Variants in ALK observed in about 807,000 individuals in gnomAD.
ALK encodes ALK tyrosine kinase receptor.
ALK carries 74 observed loss-of-function variants against 163.1 expected under a neutral mutation model. The observed-to-expected ratio is 0.45, with a 90% CI of 0.38 to 0.55. The LOEUF is 0.55. Among genes scored for constraint, ALK ranks in the 20% least tolerant of loss-of-function variants. ALK has a pLI of 0.00. For synonymous variants in ALK, 960 were observed against 843.2 expected, an observed-to-expected ratio of 1.14 and a Z score of -2.40; for missense variants, 2,063 against 2,105.3, an observed-to-expected ratio of 0.98 and a Z score of 0.39.
At chr2:29,512,492 G>A (rs924964372) in intron 4 of ALK, among the ~76,000 whole-genome samples, 16 of 149,144 alleles carry the variant, frequency 1.1e-4, no homozygotes, top group South Asian at 4.3e-4. Context: ...TTGATGGGAC[G>A]TATCTCAAAA....
In ALK at chr2:29,222,374, A is replaced by G. The variant is rs761792619; in HGVS notation, c.3485T>C (p.Leu1162Pro). 2 of 1,613,658 alleles carry G rather than the reference A, an allele frequency of 1.2e-6. No homozygotes were observed. The highest frequency in any genetic ancestry group is 1.7e-6 in the Non-Finnish European group (2 of 1,179,770). ...GATCAGGGCTTCCATGAGGAAATCC[A>G]GTTCGTCCTGTTCAGAGCACACTTC... ...LPEVCSEQDE[L>P]DFLMEALIIS... The change falls in exon 22 of 29, where the codon CTG becomes CCG. Residue 1162 changes from leucine to proline, a missense_variant. Physicochemically the swap from Leu to Pro is moderately conservative, Grantham distance 98. Transcript: ENST00000389048.
chr2:29,401,415 C>A (rs536099255), intron 4 of ALK, among the ~76,000 whole-genome samples: 4 of 152,206 alleles, frequency 2.6e-5, no homozygotes, highest in Admixed American at 6.5e-5. Flanking sequence ...CAGCCAACCC[C>A]CTGTATCATA....
intron 20 of ALK, 94 bp downstream of exon 20, chr2:29,223,248 G>A (rs771336998): frequency 1.3e-4 from 180 of 1,420,522 alleles, no homozygotes; most frequent in Middle Eastern, 3.7e-4. Context: ...GGGCTCTGCC[G>A]GCCTTTTGTG....
chr2:29,437,216 T>C (rs1380734812), intron 4 of ALK, among the ~76,000 whole-genome samples: 2 of 152,128 alleles, frequency 1.3e-5, no homozygotes, highest in African/African-American at 4.8e-5. Flanking sequence ...TCCTTCCTCA[T>C]TTTTCTCCCT....
At chr2:29,324,973 G>C (rs1667207582) in intron 6 of ALK, among the ~76,000 whole-genome samples, 1 of 152,174 alleles carries the variant, frequency 6.6e-6, no homozygotes, top group Non-Finnish European at 1.5e-5. Flanking sequence ...GAATTTTTAA[G>C]GGCTCCAAAG....
Position 29,371,153 on chromosome 2 carries a change from G to T in ALK, c.1282+12579C>A, listed in dbSNP as rs144938164. On this transcript the variant is annotated intron_variant, in intron 5 of 28. Coordinates refer to ENST00000389048, the MANE Select transcript of ALK (RefSeq NM_004304.5). ...TGTGCATTGAGGGGCCTTCTGGGCC[G>T]CTGCCCAGCAACTGTCTGCCAATGT... Among the ~76,000 whole-genome samples, 24 of 152,294 alleles carry T rather than the reference G, an allele frequency of 1.6e-4. 1 individual carries two copies. The South Asian group carries it at 4.8e-3, about 30-fold the overall frequency.
intron 1 of ALK, among the ~76,000 whole-genome samples, chr2:29,731,998 C>T (rs1479328430): frequency 1.3e-5 from 2 of 152,186 alleles, no homozygotes; most frequent in African/African-American, 4.8e-5. Flanking sequence ...TGCCCTGGGC[C>T]TCGCACACTG....
intron 13 of ALK, among the ~76,000 whole-genome samples, chr2:29,233,984 G>A (rs969898249): frequency 1.5e-4 from 23 of 151,708 alleles, no homozygotes; most frequent in African/African-American, 5.3e-4. Context: ...GAGCCTTGAA[G>A]GATAGGGAGT....
intron 11 of ALK, among the ~76,000 whole-genome samples, chr2:29,259,586 T>A (rs953073418): frequency 3.9e-5 from 6 of 152,186 alleles, no homozygotes; most frequent in Non-Finnish European, 5.9e-5. Context: ...TCTTGTTATA[T>A]AAAGTGTTGC....
intron 5 of ALK, among the ~76,000 whole-genome samples, chr2:29,378,121 A>G (rs552198529): frequency 1.4e-4 from 21 of 152,086 alleles, no homozygotes; most frequent in African/African-American, 4.3e-4. Context: ...TTCATGGGGG[A>G]GCTCCTTTGC....
intron 4 of ALK, among the ~76,000 whole-genome samples, chr2:29,464,506 C>T (rs895752338): frequency 6.6e-6 from 1 of 152,022 alleles, no homozygotes; most frequent in African/African-American, 2.4e-5. Flanking sequence ...AGAACAGAAG[C>T]CTGTGTGTGC....
intron 5 of ALK, among the ~76,000 whole-genome samples, chr2:29,374,116 C>A (rs144257171): frequency 6.6e-6 from 1 of 152,118 alleles, no homozygotes; most frequent in Non-Finnish European, 1.5e-5. Flanking sequence ...GATAGTTGTG[C>A]AGAATTATTC....
chr2:29,612,543 C>A (rs149689045), intron 3 of ALK, among the ~76,000 whole-genome samples: 196 of 152,298 alleles, frequency 1.3e-3, no homozygotes, highest in African/African-American at 4.6e-3. Context: ...AACCGTCCTA[C>A]CCAGAAGAGA....
At chr2:29,823,201 G>A (rs6724371) in intron 1 of ALK, among the ~76,000 whole-genome samples, 236 of 152,238 alleles carry the variant, frequency 1.6e-3, no homozygotes, top group African/African-American at 5.6e-3. Flanking sequence ...GCTCCTGCTT[G>A]CCTTCTGCCA....
Position 29,193,145 on chromosome 2 carries a change from G to T in ALK, c.*79C>A. On this transcript the variant is annotated 3_prime_UTR_variant, in exon 29 of 29. Transcript: ENST00000389048. ...AACAAAACGTGACATTTGGTCTCTG[G>T]TTTGTGAAGGAGCCATTGCCTCTCT... 1 of 1,451,908 alleles carries T rather than the reference G, an allele frequency of 6.9e-7. No individual in the cohort carries two copies. The highest frequency in any genetic ancestry group is 9.5e-7 in the Non-Finnish European group (1 of 1,049,312). The allele number at this position is 1,451,908 out of a possible 1,614,324, so 89.9% of individuals were successfully genotyped here. A position where few individuals can be genotyped will look rare whatever the true frequency, so the allele number is the denominator to read the frequency against.
At chr2:29,376,342 T>C (rs1019918090) in intron 5 of ALK, among the ~76,000 whole-genome samples, 10 of 152,244 alleles carry the variant, frequency 6.6e-5, no homozygotes, top group Admixed American at 6.5e-4. Context: ...TCGTAAGATT[T>C]GCACTTACTT....
intron 12 of ALK, among the ~76,000 whole-genome samples, chr2:29,243,406 C>A (rs572613855): frequency 5.3e-4 from 80 of 152,350 alleles, no homozygotes; most frequent in Middle Eastern, 6.8e-3. Context: ...CCTTGGAAGG[C>A]TGTTATGATA....
At chr2:29,627,512 C>A (rs1054148315) in intron 3 of ALK, among the ~76,000 whole-genome samples, 1 of 151,648 alleles carries the variant, frequency 6.6e-6, no homozygotes, top group Admixed American at 6.6e-5. Context: ...AATTGAGAAG[C>A]ATTTGATCCA....
chr2:29,301,302 T>A (rs1460085137), intron 8 of ALK, among the ~76,000 whole-genome samples: 3 of 152,224 alleles, frequency 2.0e-5, no homozygotes, highest in Non-Finnish European at 4.4e-5. Flanking sequence ...CACTTCCTCC[T>A]CCTCTTAAAT....
Sources: gnomAD v4.1 joint callset for allele counts (sites outside exome capture counted in the v4.1 genomes callset) on GRCh38, gnomAD v4.1.1 for gene constraint, MANE v1.5 for transcripts, NCBI Gene and HGNC (gene_info 2026-07-23, HGNC 2026-07-21) for gene names.